C5: variants seen among roughly 807,000 people sequenced by gnomAD.
C5 encodes the protein C3 and PZP-like alpha-2-macroglobulin domain-containing protein 4.
A neutral mutation model predicts 218.8 loss-of-function variants in C5; 140 were observed. That is an observed-to-expected ratio of 0.64 (90% CI 0.56 to 0.74). The LOEUF is 0.74. Among genes scored for constraint, C5 ranks in the 30% least tolerant of loss-of-function variants. C5 has a pLI of 0.00. For missense variants in C5, 1,700 were observed against 1,969.6 expected (o/e 0.86, Z 2.59); for synonymous variants, 614 against 682.3 (o/e 0.90, Z 1.56).
chr9:121,070,250 G>A, the C5 span, among the ~76,000 whole-genome samples: 1 of 151,552 alleles, frequency 6.6e-6, no homozygotes, highest in Non-Finnish European at 1.5e-5. Flanking sequence ...CCAGCTACTC[G>A]GGAGGCTGAG....
chr9:120,988,792 G>A (rs557553175), intron 25 of C5, among the ~76,000 whole-genome samples: 5 of 152,312 alleles, frequency 3.3e-5, no homozygotes, highest in African/African-American at 1.2e-4. Context: ...GGAGACTAGT[G>A]TAAGAATCCA....
chr9:121,009,991 C>T (rs1252117238), intron 17 of C5, among the ~76,000 whole-genome samples: 1 of 152,226 alleles, frequency 6.6e-6, no homozygotes, highest in East Asian at 1.9e-4. Flanking sequence ...CATCGCTCAT[C>T]CCAGTGGTTG....
chr9:121,046,354 C>T lies in C5; in HGVS notation c.95G>A (p.Arg32His), dbSNP rs144876205. 6.8e-5 allele frequency: 110 copies of T among 1,612,134 alleles called. No individual in the cohort carries two copies. The highest frequency in any genetic ancestry group is 3.3e-4 in the Middle Eastern group (2 of 6,040). The part of the protein sequence containing the change: ...TYVISAPKIF[R>H]VGASENIVIQ... ...CACAATATTTTCAGATGCTCCAACA[C>T]GGAATATTTTTGGTGCTGAAATGAC... is the stretch of plus-strand genomic sequence containing the variant. Residue 32 changes from arginine to histidine, a missense_variant, in exon 2 of 41, where the codon CGT (arginine) becomes CAT (histidine). Transcript: ENST00000223642.
At chr9:121,043,300 C>A (rs865811751) in intron 2 of C5, 134 bp from the exon 3 acceptor site, 33 of 751,142 alleles carry the variant, frequency 4.4e-5, no homozygotes, top group Middle Eastern at 3.8e-4. Flanking sequence ...GATACAGGAG[C>A]AAGAAGAGTA....
chr9:121,062,368 A>G, the C5 span, among the ~76,000 whole-genome samples: 2 of 149,860 alleles, frequency 1.3e-5, no homozygotes, highest in Non-Finnish European at 3.0e-5. Flanking sequence ...CAAAGATAAA[A>G]TTATTAATAA....
chr9:120,981,886 A>G lies in C5; in HGVS notation c.3444T>C (p.Thr1148=). The G allele has an allele frequency of 6.2e-7, 1 of 1,614,074 alleles. No individual in the cohort carries two copies. Among genetic ancestry groups the G allele is most frequent in the Non-Finnish European group, 8.5e-7 (1 of 1,179,928 alleles). The part of the protein sequence containing the change: ...RENSLYLTAF[T]VIGIRKAFDI... ...CGAAAGCCTTTCTAATTCCAATCAC[A>G]GTAAAGGCTGTAAGATATAAGCTGT... The change falls in exon 27 of 41, where the codon ACT becomes ACC. Residue 1148 remains threonine (T), a synonymous_variant. Transcript: ENST00000223642.
upstream of C5, among the ~76,000 whole-genome samples, chr9:121,051,460 T>C (rs1333145252): frequency 2.0e-5 from 3 of 152,114 alleles, no homozygotes; most frequent in African/African-American, 7.2e-5. Context: ...ATGTTTTATG[T>C]TCATTAGAAT....
Position 120,960,354 on chromosome 9 carries a change from TTGG to T in C5, c.4589-20_4589-18del. On this transcript the variant is annotated intron_variant, in intron 37 of 40. Coordinates refer to ENST00000223642, the MANE Select transcript of C5 (RefSeq NM_001735.3). Reference sequence around the variant, plus strand: ...CACAATCAGCTGGATTTTGTGAAAATTGGTAAAAATAAGGTTAATGGAAAGAAG... The same window carrying T: ...CACAATCAGCTGGATTTTGTGAAAATTAAAAATAAGGTTAATGGAAAGAAG... 2 of 1,576,304 alleles carry T rather than the reference TTGG, an allele frequency of 1.3e-6. No individual in the cohort carries two copies. Among genetic ancestry groups the T allele is most frequent in the African/African-American group, 1.3e-5 (1 of 74,254 alleles).
intron 29 of C5, 62 bp from the exon 30 acceptor site, chr9:120,974,993 A>C (rs2046942797): frequency 6.3e-7 from 1 of 1,583,694 alleles, no homozygotes; most frequent in Non-Finnish European, 8.7e-7. Context: ...CCTATTTACA[A>C]ATGCCCTTTT....
intron 8 of C5, 112 bp from the exon 9 acceptor site, chr9:121,025,692 G>A (rs972186651): frequency 2.9e-6 from 3 of 1,031,054 alleles, no homozygotes; most frequent in Non-Finnish European, 4.4e-6. Context: ...CAGAAGAATG[G>A]TTTAGTGTCA....
chr9:120,969,585 C>A (rs1263407055), intron 32 of C5, among the ~76,000 whole-genome samples: 1 of 151,810 alleles, frequency 6.6e-6, no homozygotes, highest in Non-Finnish European at 1.5e-5. Flanking sequence ...TGCTTTTGGA[C>A]CAGGAAGGGA....
At chr9:121,011,225 A>G (rs2047259512) in intron 17 of C5, among the ~76,000 whole-genome samples, 1 of 152,230 alleles carries the variant, frequency 6.6e-6, no homozygotes, top group Admixed American at 6.5e-5. Flanking sequence ...GCAGCTACCC[A>G]TCTGACAAGA....
chr9:121,073,446 T>A, the C5 span, among the ~76,000 whole-genome samples: 2 of 151,886 alleles, frequency 1.3e-5, no homozygotes, highest in South Asian at 4.1e-4. Flanking sequence ...GAACTTACTA[T>A]GGGTCCCTCA....
chr9:120,978,666 C>T (rs1282979556), intron 28 of C5, among the ~76,000 whole-genome samples: 1 of 152,186 alleles, frequency 6.6e-6, no homozygotes, highest in Non-Finnish European at 1.5e-5. Context: ...AAGAGGACTC[C>T]AAAGTGCCCA....
chr9:121,046,771 G>A (rs192826503), intron 1 of C5, among the ~76,000 whole-genome samples: 6 of 152,274 alleles, frequency 3.9e-5, no homozygotes, highest in Admixed American at 6.5e-5. Context: ...CTGAGTGACC[G>A]TGGTAAAGTC....
rs2046891390 is a variant in C5, at chr9:120,969,131, A to T, written c.4163-13T>A. ...CTGTAGTGGGATGCTGGCACATAAG[A>T]CAAGAAAACAAACAGACAAATATAA... On this transcript the variant is annotated splice_polypyrimidine_tract_variant and intron_variant, in intron 32 of 40. Coordinates refer to ENST00000223642, the MANE Select transcript of C5 (RefSeq NM_001735.3). The T allele has an allele frequency of 1.2e-6, 2 of 1,611,066 alleles. No individual in the cohort carries two copies. The highest frequency in any genetic ancestry group is 2.2e-5 in the South Asian group (2 of 91,020).
chr9:120,989,436 G>C, intron 24 of C5, 132 bp downstream of exon 24: 1 of 672,360 alleles, frequency 1.5e-6, no homozygotes, highest in Admixed American at 2.7e-5. Context: ...TTATATAGTA[G>C]AGTCCATCTC....
At chr9:121,005,785 CA>C in intron 20 of C5, 133 bp downstream of exon 20, 1 of 826,726 alleles carries the variant, frequency 1.2e-6, no homozygotes, top group Non-Finnish European at 2.0e-6. Flanking sequence ...GTACAATGCT[CA>C]TTTTAAGTGT....
At chr9:121,007,097 A>G in intron 18 of C5, 120 bp from the exon 19 acceptor site, 1 of 727,580 alleles carries the variant, frequency 1.4e-6, no homozygotes, top group Non-Finnish European at 2.5e-6. Flanking sequence ...AAAATTCACG[A>G]GATGAAATCA....
Sources: allele counts gnomAD v4.1 joint callset (sites outside exome capture counted in the v4.1 genomes callset), GRCh38; gene constraint gnomAD v4.1.1; transcripts MANE v1.5; gene names NCBI Gene and HGNC (gene_info 2026-07-23, HGNC 2026-07-21).